GRIA2: variants seen among roughly 807,000 people sequenced by gnomAD.
GRIA2 encodes glutamate ionotropic receptor AMPA type subunit 2.
GRIA2 carries 14 observed loss-of-function variants against 97.3 expected under a neutral mutation model. The observed-to-expected ratio is 0.14, with a 90% CI of 0.10 to 0.23. The LOEUF is 0.23. Among genes scored for constraint, GRIA2 ranks in the 10% least tolerant of loss-of-function variants. The probability of loss-of-function intolerance (pLI) is 1.00; values close to 1 mark genes in which losing one functional copy is unlikely to be tolerated. For synonymous variants in GRIA2, 412 were observed against 387.8 expected, an observed-to-expected ratio of 1.06 and a Z score of -0.73; for missense variants, 558 against 1,069.8, an observed-to-expected ratio of 0.52 and a Z score of 6.67.
chr4:157,221,209 A>G (rs1309494311), intron 1 of GRIA2, 79 bp downstream of exon 1: 5 of 802,432 alleles, frequency 6.2e-6, no homozygotes, highest in Non-Finnish European at 1.1e-5. Flanking sequence ...AAATTAATTC[A>G]TGTCATGTAG....
intron 2 of GRIA2, among the ~76,000 whole-genome samples, chr4:157,247,395 G>A (rs10461267): frequency 0.12 from 17,973 of 152,096 alleles, 1,080 homozygotes; most frequent in Middle Eastern, 0.14. Context: ...TAAATGTGGG[G>A]GTAGAAAAAA....
chr4:157,220,766 G>C lies in GRIA2; in HGVS notation c.-277G>C, dbSNP rs950564942. On this transcript the variant is annotated 5_prime_UTR_variant, in exon 1 of 16. Transcript: ENST00000264426. ...TGCATGGGAGGGTGCTGAATATTCCGAGACACTGGGACCACAGCGGCAGCT... is the reference window on the plus strand; with the variant it reads ...TGCATGGGAGGGTGCTGAATATTCCCAGACACTGGGACCACAGCGGCAGCT... 7.9e-6 allele frequency: 4 copies of C among 507,358 alleles called. No individual in the cohort carries two copies. Among genetic ancestry groups the C allele is most frequent in the African/African-American group, 1.9e-5 (1 of 51,816 alleles). 31.4% of individuals were successfully genotyped at this position (507,358 alleles called of 1,614,324 possible). A position where few individuals can be genotyped will look rare whatever the true frequency, so the allele number is the denominator to read the frequency against.
intron 2 of GRIA2, among the ~76,000 whole-genome samples, chr4:157,235,619 G>C (rs1262143468): frequency 8.6e-5 from 13 of 151,886 alleles, no homozygotes; most frequent in African/African-American, 2.9e-4. Flanking sequence ...TGAAAACTTG[G>C]GTAGCCAAAT....
chr4:157,244,320 T>C (rs764701070), intron 2 of GRIA2, among the ~76,000 whole-genome samples: 2 of 152,062 alleles, frequency 1.3e-5, no homozygotes, highest in Admixed American at 6.6e-5. Context: ...AGCATGAGTT[T>C]TGATTTAGGT....
At chr4:157,304,908 C>T (rs1318599798) in intron 3 of GRIA2, among the ~76,000 whole-genome samples, 3 of 151,982 alleles carry the variant, frequency 2.0e-5, no homozygotes, top group Non-Finnish European at 4.4e-5. Flanking sequence ...TCCTCCTAAT[C>T]CTGGGAATGA....
chr4:157,243,992 G>T (rs577388061), intron 2 of GRIA2, among the ~76,000 whole-genome samples: 4 of 152,120 alleles, frequency 2.6e-5, no homozygotes, highest in African/African-American at 9.6e-5. Context: ...AATCAGTAGG[G>T]AGCATGATGG....
At chr4:157,342,638 T>C (rs530103557) in intron 12 of GRIA2, 5 of 171,592 alleles carry the variant, frequency 2.9e-5, no homozygotes, top group Non-Finnish European at 5.8e-5. Context: ...TAAAAATGTA[T>C]GTTCCTCAAT....
At chr4:157,315,634 C>T (rs569333312) in intron 4 of GRIA2, among the ~76,000 whole-genome samples, 1 of 152,078 alleles carries the variant, frequency 6.6e-6, no homozygotes, top group African/African-American at 2.4e-5. Flanking sequence ...CCTTCAATTC[C>T]CTGGTTGAAG....
At chr4:157,319,266 CATTGAAAGCTGTG>C (rs1239852387) in intron 5 of GRIA2, among the ~76,000 whole-genome samples, 2 of 152,130 alleles carry the variant, frequency 1.3e-5, no homozygotes, top group African/African-American at 4.8e-5. Context: ...CACAGAGCCA[CATTGAAAGCTGTG>C]ATCTTTAAAA....
intron 6 of GRIA2, among the ~76,000 whole-genome samples, chr4:157,325,946 G>T (rs1388268063): frequency 6.6e-6 from 1 of 151,934 alleles, no homozygotes; most frequent in Non-Finnish European, 1.5e-5. Flanking sequence ...TTATTTTGTG[G>T]TTCTGTTCCA....
chr4:157,251,101 G>A (rs934128107), intron 2 of GRIA2, among the ~76,000 whole-genome samples: 51 of 152,146 alleles, frequency 3.4e-4, no homozygotes, highest in Middle Eastern at 3.4e-3. Context: ...CAAAAAAAGC[G>A]TATACCTTCA....
At position 157,222,963 on chromosome 4, in the gene GRIA2, G is replaced by A. The variant is rs530276140; in HGVS notation, c.229+1156G>A. ...CATCATTTCCTGCCGACTGCCCTGC[G>A]GTGATTCTTTCCTGCCCTAATATTC... On this transcript the variant is annotated intron_variant, in intron 2 of 15. Coordinates refer to ENST00000264426, the MANE Select transcript of GRIA2 (RefSeq NM_001083619.3). Among the ~76,000 whole-genome samples the A allele has an allele frequency of 5.9e-5, 9 of 152,280 alleles. No homozygotes were observed. In the East Asian group the frequency reaches 1.7e-3, roughly 30 times the overall value.
chr4:157,245,405 A>G (rs1435164088), intron 2 of GRIA2, among the ~76,000 whole-genome samples: 1 of 152,094 alleles, frequency 6.6e-6, no homozygotes, highest in African/African-American at 2.4e-5. Flanking sequence ...CATGTCATTC[A>G]AAGGAATAGA....
In GRIA2 at chr4:157,366,021, C is replaced by A. The variant is rs183888663; in HGVS notation, c.*2590C>A. ...TAAATCTAACATCGGATGGCTTTTC[C>A]GGAGTGTTGTAAAAACTTCAATCAT... On this transcript the variant is annotated 3_prime_UTR_variant, in exon 16 of 16. Coordinates refer to ENST00000264426, the MANE Select transcript of GRIA2 (RefSeq NM_001083619.3). 3 of 151,286 alleles carry A rather than the reference C, an allele frequency of 2.0e-5. No homozygotes were observed. The South Asian group carries it at 6.2e-4, about 31-fold the overall frequency. The allele number at this position is 151,286 out of a possible 1,614,324, so 9.4% of individuals were successfully genotyped here.
intron 2 of GRIA2, among the ~76,000 whole-genome samples, chr4:157,242,208 A>G (rs576746770): frequency 2.0e-5 from 3 of 152,084 alleles, no homozygotes; most frequent in African/African-American, 7.2e-5. Context: ...TTCTTCTCTA[A>G]AAAGGCAGTC....
chr4:157,247,984 TA>T (rs1373706560), intron 2 of GRIA2, among the ~76,000 whole-genome samples: 1 of 152,220 alleles, frequency 6.6e-6, no homozygotes, highest in East Asian at 1.9e-4. Flanking sequence ...TTGTCAAATA[TA>T]ACAAGTATAA....
chr4:157,344,189 G>T (rs1298086745), intron 12 of GRIA2, among the ~76,000 whole-genome samples: 1 of 152,048 alleles, frequency 6.6e-6, no homozygotes, highest in Non-Finnish European at 1.5e-5. Context: ...CATTAATATT[G>T]TTTCCTTAAA....
chr4:157,349,727 C>A (rs946088741), intron 12 of GRIA2, among the ~76,000 whole-genome samples: 2 of 152,050 alleles, frequency 1.3e-5, no homozygotes, highest in African/African-American at 4.8e-5. Context: ...GCTAACACAA[C>A]CAATTTTTCT....
intron 12 of GRIA2, among the ~76,000 whole-genome samples, chr4:157,344,321 C>T (rs921411165): frequency 1.3e-5 from 2 of 151,974 alleles, no homozygotes; most frequent in African/African-American, 4.8e-5. Context: ...CACCACAGGT[C>T]TTGGGTTCAT....
Sources: gnomAD v4.1 joint callset for allele counts (sites outside exome capture counted in the v4.1 genomes callset) on GRCh38, gnomAD v4.1.1 for gene constraint, MANE v1.5 for transcripts, NCBI Gene and HGNC (gene_info 2026-07-23, HGNC 2026-07-21) for gene names.